Variants in CDH23 observed in about 807,000 individuals in gnomAD.
CDH23 encodes cadherin related 23.
In CDH23, 189 loss-of-function variants were observed where a neutral mutation model predicts 317.1. The observed-to-expected ratio is 0.60, with a 90% CI of 0.53 to 0.67. The LOEUF (loss-of-function observed/expected upper bound fraction) is 0.67. CDH23 is among the 30% of genes least tolerant of loss of function. CDH23 has a pLI of 0.00. For synonymous variants in CDH23, 1,839 were observed against 1,876.8 expected, an observed-to-expected ratio of 0.98 and a Z score of 0.52; for missense variants, 4,401 against 4,592.4, an observed-to-expected ratio of 0.96 and a Z score of 1.20.
chr10:71,520,983 T>C (rs1426328831), intron 6 of CDH23, among the ~76,000 whole-genome samples: 2 of 152,054 alleles, frequency 1.3e-5, no homozygotes, highest in Non-Finnish European at 2.9e-5. Context: ...TTTCTCTGAT[T>C]CCTTAGCAGC....
chr10:71,608,713 G>A (rs766821981), intron 9 of CDH23, among the ~76,000 whole-genome samples: 1 of 152,294 alleles, frequency 6.6e-6, no homozygotes, highest in East Asian at 1.9e-4. Context: ...TTAAAGAAGC[G>A]CACTGCACAG....
At chr10:71,472,305 T>C (rs1401229203) in intron 3 of CDH23, among the ~76,000 whole-genome samples, 2 of 152,220 alleles carry the variant, frequency 1.3e-5, no homozygotes, top group African/African-American at 4.8e-5. Flanking sequence ...TCTTGGCTCC[T>C]GTTAACACCA....
At position 71,775,619 on chromosome 10, in the gene CDH23, A is replaced by C. The variant is rs114480812; in HGVS notation, c.4846-2061A>C. Among the ~76,000 whole-genome samples the C allele has an allele frequency of 4.9e-3, 747 of 152,072 alleles. 7 individuals carry two copies. The highest frequency in any genetic ancestry group is 0.017 in the African/African-American group (712 of 41,470). On this transcript the variant is annotated intron_variant, in intron 38 of 69. Coordinates refer to ENST00000224721, the MANE Select transcript of CDH23 (RefSeq NM_022124.6). ...AGCTGAGAGGGCCTTTGGAGCACTGACTTTCTCCTCCCTCCGAGACCAGAG... is the reference window on the plus strand; with the variant it reads ...AGCTGAGAGGGCCTTTGGAGCACTGCCTTTCTCCTCCCTCCGAGACCAGAG...
rs34189051 is a variant in CDH23 at position 71,522,128 on chromosome 10, G to GTT, written c.429+10926_429+10927dup. ...TGGTGGCCCCCACAAGCTTACACAG[G>GTT]TTTTTTTTTTTGTCTTATTTTTTGA... On this transcript the variant is annotated intron_variant, in intron 6 of 69. Coordinates refer to ENST00000224721, the MANE Select transcript of CDH23 (RefSeq NM_022124.6). Among the ~76,000 whole-genome samples, 120 of 148,140 alleles carry GTT rather than the reference G, an allele frequency of 8.1e-4. 1 individual carries two copies. Among genetic ancestry groups the GTT allele is most frequent in the Middle Eastern group, 3.5e-3 (1 of 282 alleles).
chr10:71,498,651 G>A (rs1338105311), intron 3 of CDH23, among the ~76,000 whole-genome samples: 2 of 152,232 alleles, frequency 1.3e-5, no homozygotes, highest in South Asian at 2.1e-4. Context: ...GGGTCACTGA[G>A]CAATCCCAGC....
At chr10:71,475,332 A>G (rs899400049) in intron 3 of CDH23, among the ~76,000 whole-genome samples, 4 of 152,104 alleles carry the variant, frequency 2.6e-5, no homozygotes, top group Non-Finnish European at 5.9e-5. Flanking sequence ...GTAGGAAGAG[A>G]GAAAGCACTT....
chr10:71,569,541 T>C (rs1166949686), intron 7 of CDH23, among the ~76,000 whole-genome samples: 2 of 152,204 alleles, frequency 1.3e-5, no homozygotes, highest in Admixed American at 1.3e-4. Context: ...AAGAACTCAT[T>C]TGAGGTTACT....
intron 3 of CDH23, among the ~76,000 whole-genome samples, chr10:71,460,420 C>T (rs1416936333): frequency 2.0e-5 from 3 of 152,234 alleles, no homozygotes; most frequent in Admixed American, 6.5e-5. Context: ...GGACTGTGTG[C>T]GGCGGGAACC....
chr10:71,445,942 A>G (rs1461453072), intron 2 of CDH23, among the ~76,000 whole-genome samples: 1 of 152,212 alleles, frequency 6.6e-6, no homozygotes, highest in African/African-American at 2.4e-5. Flanking sequence ...TATCCAAAAT[A>G]GAATCATTTC....
At chr10:71,671,892 T>C (rs796375466) in intron 14 of CDH23, among the ~76,000 whole-genome samples, 7 of 152,108 alleles carry the variant, frequency 4.6e-5, no homozygotes, top group Non-Finnish European at 1.0e-4. Flanking sequence ...AATTCATACA[T>C]TAATATGTGT....
chr10:71,594,517 G>T (rs1859712252), intron 9 of CDH23, among the ~76,000 whole-genome samples: 1 of 152,128 alleles, frequency 6.6e-6, no homozygotes, highest in African/African-American at 2.4e-5. Flanking sequence ...GGGATTATGG[G>T]CATGCACCAC....
chr10:71,563,717 T>C (rs1857246227), intron 6 of CDH23, among the ~76,000 whole-genome samples: 1 of 151,880 alleles, frequency 6.6e-6, no homozygotes, highest in Non-Finnish European at 1.5e-5. Flanking sequence ...TCACACCTTA[T>C]CTCTTATAAT....
chr10:71,577,698 G>A (rs995985022), intron 8 of CDH23, among the ~76,000 whole-genome samples: 3 of 152,188 alleles, frequency 2.0e-5, no homozygotes, highest in Admixed American at 6.5e-5. Context: ...TGATAACATC[G>A]GTAAGGTTTG....
intron 25 of CDH23, among the ~76,000 whole-genome samples, chr10:71,705,380 A>C (rs1354102433): frequency 1.3e-5 from 2 of 152,128 alleles, no homozygotes; most frequent in African/African-American, 2.4e-5. Flanking sequence ...CCAAAGCCCC[A>C]TCAACCCCAC....
rs727504894 is a variant in CDH23 at position 71,793,295 on chromosome 10, G to A, written c.6367G>A (p.Gly2123Arg). ...CCGCTTCCTCATTCATCTGGTCACC[G>A]GGGTCATCCGTGTTGGTAATGCCAC... ...QDRFLIHLVT[G>R]VIRVGNATID... Residue 2123 changes from glycine to arginine, a missense_variant, in exon 48 of 70, where the codon GGG (glycine) becomes AGG (arginine). This residue lies in a region of CDH23 where 3,068 missense variants were observed against 3,203.3 expected (regional missense o/e 0.96). Transcript: ENST00000224721. 6.2e-6 allele frequency: 10 copies of A among 1,613,848 alleles called. No individual in the cohort carries two copies. The highest frequency in any genetic ancestry group is 5.0e-5 in the Admixed American group (3 of 60,002).
chr10:71,549,365 G>A (rs887063587), intron 6 of CDH23, among the ~76,000 whole-genome samples: 20 of 152,226 alleles, frequency 1.3e-4, no homozygotes, highest in Non-Finnish European at 4.4e-5. Context: ...AGGGGAGGGG[G>A]CACGGATGCA....
intron 6 of CDH23, among the ~76,000 whole-genome samples, chr10:71,548,269 G>A (rs1428768525): frequency 2.0e-5 from 3 of 152,170 alleles, no homozygotes; most frequent in Non-Finnish European, 4.4e-5. Flanking sequence ...AGAGGGGAGA[G>A]TGTCTTTGTG....
At chr10:71,758,977 C>T (rs1453231904) in intron 38 of CDH23, among the ~76,000 whole-genome samples, 1 of 152,026 alleles carries the variant, frequency 6.6e-6, no homozygotes, top group African/African-American at 2.4e-5. Flanking sequence ...TCAAGCAGCT[C>T]TCATGTCTCA....
chr10:71,724,143 T>A (rs983562860), intron 29 of CDH23, 38 bp downstream of exon 29: 40 of 1,547,504 alleles, frequency 2.6e-5, no homozygotes, highest in Non-Finnish European at 3.2e-5. Context: ...GCGGTCCTCC[T>A]GCCCAGGGGA....
Sources: gnomAD v4.1 joint callset for allele counts (sites outside exome capture counted in the v4.1 genomes callset) on GRCh38, gnomAD v4.1.1 for gene constraint, gnomAD v4.1.1 regional missense constraint, MANE v1.5 for transcripts, NCBI Gene and HGNC (gene_info 2026-07-23, HGNC 2026-07-21) for gene names.